The following SUGCT variants were observed in gnomAD, a reference collection of about 807,000 sequenced individuals.
SUGCT encodes the protein succinyl-CoA:glutarate-CoA transferase, also known as succinyl-CoA:glutarate CoA-transferase.
A neutral mutation model predicts 55.0 loss-of-function variants in SUGCT; 41 were observed. That is an observed-to-expected ratio of 0.74 (90% CI 0.58 to 0.97). The LOEUF (loss-of-function observed/expected upper bound fraction) is 0.97. SUGCT is among the 50% of genes least tolerant of loss of function. The pLI is 0.00. For synonymous variants in SUGCT, 187 were observed against 200.4 expected (o/e 0.93, Z 0.56); for missense variants, 568 against 547.8 (o/e 1.04, Z -0.37).
At chr7:40,839,447 A>G (rs2128787377) in intron 13 of SUGCT, among the ~76,000 whole-genome samples, 1 of 152,278 alleles carries the variant, frequency 6.6e-6, no homozygotes, top group East Asian at 1.9e-4. Flanking sequence ...GAGTTGGGAA[A>G]TATTCCTCCC....
chr7:40,494,790 G>A (rs1055081278), intron 11 of SUGCT, among the ~76,000 whole-genome samples: 14 of 152,060 alleles, frequency 9.2e-5, no homozygotes, highest in African/African-American at 3.1e-4. Context: ...TGTTCATATA[G>A]TAGCCTTATT....
chr7:40,807,161 A>T (rs897873454), intron 13 of SUGCT, among the ~76,000 whole-genome samples: 4 of 152,184 alleles, frequency 2.6e-5, no homozygotes, highest in Admixed American at 2.0e-4. Flanking sequence ...AGTTAGAGAG[A>T]ATCATTAAGA....
chr7:40,899,135 C>T, the SUGCT span, among the ~76,000 whole-genome samples: 2 of 152,106 alleles, frequency 1.3e-5, no homozygotes, highest in African/African-American at 4.8e-5. Flanking sequence ...GAGAGAGTGC[C>T]CTGCTGCTCT....
chr7:40,567,395 A>G (rs1483014578), intron 12 of SUGCT, among the ~76,000 whole-genome samples: 1 of 152,250 alleles, frequency 6.6e-6, no homozygotes, highest in Non-Finnish European at 1.5e-5. Flanking sequence ...CTCAGTAGGG[A>G]TAATCATTAG....
intron 11 of SUGCT, among the ~76,000 whole-genome samples, chr7:40,484,841 A>G (rs887817043): frequency 2.0e-5 from 3 of 152,084 alleles, no homozygotes; most frequent in African/African-American, 7.2e-5. Flanking sequence ...TGTGTGGTCT[A>G]CTTTCATGAA....
chr7:40,644,441 C>T (rs1037159184), intron 12 of SUGCT, among the ~76,000 whole-genome samples: 1 of 152,220 alleles, frequency 6.6e-6, no homozygotes, highest in African/African-American at 2.4e-5. Flanking sequence ...CTCACATTGC[C>T]TCTGCATTTC....
intron 3 of SUGCT, among the ~76,000 whole-genome samples, chr7:40,183,092 G>T (rs928637736): frequency 4.6e-5 from 7 of 152,160 alleles, no homozygotes; most frequent in African/African-American, 1.7e-4. Flanking sequence ...GGCCAACAAG[G>T]TGAAACCCTG....
At chr7:40,676,492 G>A (rs567697446) in intron 12 of SUGCT, among the ~76,000 whole-genome samples, 86 of 142,752 alleles carry the variant, frequency 6.0e-4, no homozygotes, top group African/African-American at 2.3e-3. Flanking sequence ...ATCCCTTGCG[G>A]TTTTGTTTTT....
chr7:40,169,192 A>T (rs934687440), intron 1 of SUGCT, among the ~76,000 whole-genome samples: 1 of 152,084 alleles, frequency 6.6e-6, no homozygotes, highest in African/African-American at 2.4e-5. Flanking sequence ...TTTTGCTAGG[A>T]TGTCTCTCCC....
chr7:40,323,388 C>A (rs900268284), intron 9 of SUGCT, among the ~76,000 whole-genome samples: 1 of 152,092 alleles, frequency 6.6e-6, no homozygotes, highest in Admixed American at 6.6e-5. Flanking sequence ...GTTTCCAGAT[C>A]TAAAATGCAT....
chr7:40,956,061 T>C, the SUGCT span, among the ~76,000 whole-genome samples: 2 of 152,192 alleles, frequency 1.3e-5, no homozygotes, highest in Non-Finnish European at 2.9e-5. Flanking sequence ...TGCATCGATG[T>C]TCATCAGGGA....
chr7:40,754,402 C>A (rs1788156632), intron 13 of SUGCT, among the ~76,000 whole-genome samples: 1 of 152,170 alleles, frequency 6.6e-6, no homozygotes, highest in Non-Finnish European at 1.5e-5. Flanking sequence ...ATTAATATAA[C>A]CTGTATTGAG....
intron 1 of SUGCT, among the ~76,000 whole-genome samples, chr7:40,158,950 C>CT (rs1784023462): frequency 6.6e-6 from 1 of 152,174 alleles, no homozygotes; most frequent in Non-Finnish European, 1.5e-5. Context: ...GGGTCTGGCT[C>CT]TATTGCCTAG....
chr7:41,029,829 C>A, the SUGCT span, among the ~76,000 whole-genome samples: 1 of 152,180 alleles, frequency 6.6e-6, no homozygotes, highest in Non-Finnish European at 1.5e-5. Context: ...TTGGCAAATA[C>A]ATAATGTCAT....
intron 12 of SUGCT, among the ~76,000 whole-genome samples, chr7:40,730,631 G>C (rs1786845391): frequency 6.6e-6 from 1 of 152,116 alleles, no homozygotes; most frequent in Admixed American, 6.5e-5. Context: ...TGGTACAATA[G>C]ATCTCTTGAA....
chr7:40,654,352 C>G (rs915662656), intron 12 of SUGCT, among the ~76,000 whole-genome samples: 2 of 152,198 alleles, frequency 1.3e-5, no homozygotes, highest in Non-Finnish European at 2.9e-5. Flanking sequence ...CTGCCAAAAT[C>G]TGCCATCCAA....
intron 13 of SUGCT, among the ~76,000 whole-genome samples, chr7:40,818,022 G>T (rs1791765936): frequency 6.6e-6 from 1 of 152,172 alleles, no homozygotes; most frequent in African/African-American, 2.4e-5. Flanking sequence ...TATACACTCA[G>T]AAAATGAAGT....
chr7:40,195,156 TGGAA>T, intron 6 of SUGCT, 96 bp downstream of exon 6: 1 of 1,059,322 alleles, frequency 9.4e-7, no homozygotes, highest in African/African-American at 1.7e-5. Context: ...TTTTTTTTTT[TGGAA>T]GTTATTCTGT....
At chr7:40,137,374 C>A (rs1787753846) in intron 1 of SUGCT, among the ~76,000 whole-genome samples, 1 of 152,144 alleles carries the variant, frequency 6.6e-6, no homozygotes, top group East Asian at 1.9e-4. Flanking sequence ...ATTCCTCTCT[C>A]CTGCCTTGGC....
Sources: gnomAD v4.1 joint callset for allele counts (sites outside exome capture counted in the v4.1 genomes callset) on GRCh38, gnomAD v4.1.1 for gene constraint, MANE v1.5 for transcripts, NCBI Gene and HGNC (gene_info 2026-07-23, HGNC 2026-07-21) for gene names.